Variants in KCNT2 observed in about 807,000 individuals in gnomAD.
KCNT2 encodes potassium sodium-activated channel subfamily T member 2, also known as potassium channel subfamily T member 2.
A neutral mutation model predicts 153.8 loss-of-function variants in KCNT2; 67 were observed. That is an observed-to-expected ratio of 0.44 (90% CI 0.36 to 0.53). The LOEUF is 0.53. Ranked by LOEUF, KCNT2 falls within the 20% of genes least tolerant of loss-of-function variation. The pLI, the probability that KCNT2 is intolerant of heterozygous loss-of-function variation, is 0.00. For synonymous variants in KCNT2, 500 were observed against 458.8 expected (o/e 1.09, Z -1.15); for missense variants, 975 against 1,354.8 (o/e 0.72, Z 4.40).
At chr1:196,375,784 C>T (rs1325233805) in intron 13 of KCNT2, among the ~76,000 whole-genome samples, 3 of 151,500 alleles carry the variant, frequency 2.0e-5, no homozygotes, top group African/African-American at 7.3e-5. Flanking sequence ...AGAAAATAAC[C>T]ATTTTTAGAT....
At chr1:196,328,633 GA>G (rs200329840) in intron 18 of KCNT2, among the ~76,000 whole-genome samples, 3,428 of 118,382 alleles carry the variant, frequency 0.029, 93 homozygotes, top group African/African-American at 0.084. Flanking sequence ...AGTGCTAAAA[GA>G]AAAAAAAAAA....
intron 1 of KCNT2, among the ~76,000 whole-genome samples, chr1:196,566,212 T>C (rs1348063907): frequency 6.6e-6 from 1 of 151,972 alleles, no homozygotes; most frequent in Non-Finnish European, 1.5e-5. Flanking sequence ...GGTCAAATTT[T>C]ATCAGATTCA....
chr1:196,235,096 G>A (rs555572184), intron 27 of KCNT2, among the ~76,000 whole-genome samples: 38 of 151,412 alleles, frequency 2.5e-4, no homozygotes, highest in African/African-American at 7.5e-4. Context: ...ATTTTGTCAC[G>A]TAAGACCTTT....
At chr1:196,467,979 T>C (rs747279831) in intron 6 of KCNT2, among the ~76,000 whole-genome samples, 193 bp from the exon 7 acceptor site, 8 of 152,116 alleles carry the variant, frequency 5.3e-5, no homozygotes, top group Non-Finnish European at 7.4e-5. Context: ...AAATCTTTCT[T>C]AGGGAAATTA....
At chr1:196,369,969 A>T (rs568747667) in intron 14 of KCNT2, among the ~76,000 whole-genome samples, 1 of 152,100 alleles carries the variant, frequency 6.6e-6, no homozygotes, top group East Asian at 1.9e-4. Flanking sequence ...ACATGAAAAA[A>T]TGCTCACCAT....
intron 22 of KCNT2, among the ~76,000 whole-genome samples, 199 bp from the exon 23 acceptor site, chr1:196,285,957 CA>C (rs1196127991): frequency 2.0e-5 from 3 of 151,756 alleles, no homozygotes; most frequent in Non-Finnish European, 4.4e-5. Context: ...TTAAAACACC[CA>C]ATAGTGAAGA....
At chr1:196,312,261 T>C (rs2148006332) in intron 21 of KCNT2, among the ~76,000 whole-genome samples, 1 of 151,750 alleles carries the variant, frequency 6.6e-6, no homozygotes, top group East Asian at 2.0e-4. Flanking sequence ...TTGCTTAGGA[T>C]TCAAGGAGTC....
intron 19 of KCNT2, among the ~76,000 whole-genome samples, chr1:196,324,695 T>A (rs1476967918): frequency 8.5e-5 from 13 of 152,172 alleles, no homozygotes; most frequent in Admixed American, 5.9e-4. Context: ...TTTATGGTCT[T>A]ATTCAGATGA....
At chr1:196,432,655 A>G (rs147269060) in intron 8 of KCNT2, among the ~76,000 whole-genome samples, 3 of 152,194 alleles carry the variant, frequency 2.0e-5, no homozygotes, top group Non-Finnish European at 4.4e-5. Context: ...AAGAATATCT[A>G]TCCCATGCCT....
chr1:196,577,693 G>GATCT (rs1661530370), intron 1 of KCNT2, among the ~76,000 whole-genome samples: 1 of 152,170 alleles, frequency 6.6e-6, no homozygotes, highest in Non-Finnish European at 1.5e-5. Flanking sequence ...GCACTGGTTA[G>GATCT]AGTCCTCACA....
intron 14 of KCNT2, among the ~76,000 whole-genome samples, chr1:196,369,414 T>C (rs996094271): frequency 1.3e-5 from 2 of 152,028 alleles, no homozygotes; most frequent in Non-Finnish European, 2.9e-5. Context: ...CATGCTGGTG[T>C]GCTGCACCCA....
rs751143025 is a variant in KCNT2, at chr1:196,340,447, C to T, written c.1677G>A (p.Glu559=). 6.2e-7 allele frequency: 1 copy of T among 1,612,240 alleles called. No individual in the cohort carries two copies. Among genetic ancestry groups the T allele is most frequent in the South Asian group, 1.1e-5 (1 of 91,012 alleles). Residue 559 remains glutamate, a synonymous_variant, in exon 16 of 28, where the codon GAG becomes GAA. Transcript: ENST00000294725. ...ICFYINITKE[E]NSAFKNQDQQ... ...GGTCTTGGTTTTTAAATGCTGAATT[C>T]TCTTCTTTGGTAATATTAATATAAA...
intron 1 of KCNT2, among the ~76,000 whole-genome samples, chr1:196,574,896 C>G (rs1174187847): frequency 6.6e-6 from 1 of 151,796 alleles, no homozygotes; most frequent in Non-Finnish European, 1.5e-5. Context: ...CTCTGTCTTT[C>G]CCAGATATTT....
Position 196,257,892 on chromosome 1 carries a change from C to A in KCNT2, c.3211+302G>T, listed in dbSNP as rs1656655363. 7 of 977,640 alleles carry A rather than the reference C, an allele frequency of 7.2e-6. No individual in the cohort carries two copies. In the South Asian group the frequency reaches 3.3e-4, roughly 46 times the overall value. The allele number at this position is 977,640 out of a possible 1,614,324, so 60.6% of individuals were successfully genotyped here. On this transcript the variant is annotated intron_variant, in intron 26 of 27. Transcript: ENST00000294725. ...ATTAGAAGGCTACCTGACTTAGGTT[C>A]TTTACTTCTAACATGAAAACACAGG...
intron 22 of KCNT2, among the ~76,000 whole-genome samples, chr1:196,303,089 A>G (rs1661334531): frequency 6.6e-6 from 1 of 151,932 alleles, no homozygotes; most frequent in Non-Finnish European, 1.5e-5. Context: ...AAAACTTGTA[A>G]TTGTAAATCC....
At chr1:196,241,167 C>T (rs541289512) in intron 26 of KCNT2, among the ~76,000 whole-genome samples, 30 of 151,900 alleles carry the variant, frequency 2.0e-4, no homozygotes, top group African/African-American at 6.5e-4. Context: ...GAAATAGGTG[C>T]TATATGAGAA....
chr1:196,512,651 A>G (rs752500283), intron 1 of KCNT2, among the ~76,000 whole-genome samples: 4 of 152,208 alleles, frequency 2.6e-5, no homozygotes, highest in Admixed American at 6.5e-5. Flanking sequence ...TGCAATGAAC[A>G]TGTTCAGTTG....
At chr1:196,241,725 C>G (rs928078261) in intron 26 of KCNT2, among the ~76,000 whole-genome samples, 1 of 152,028 alleles carries the variant, frequency 6.6e-6, no homozygotes, top group Non-Finnish European at 1.5e-5. Flanking sequence ...TACATTTTAA[C>G]TTGCCATGAG....
chr1:196,549,066 A>G (rs1351395851), intron 1 of KCNT2, among the ~76,000 whole-genome samples: 1 of 152,106 alleles, frequency 6.6e-6, no homozygotes, highest in African/African-American at 2.4e-5. Context: ...ATGACGAGTT[A>G]GTGGGTGCAG....
Sources: allele counts gnomAD v4.1 joint callset (sites outside exome capture counted in the v4.1 genomes callset), GRCh38; gene constraint gnomAD v4.1.1; transcripts MANE v1.5; gene names NCBI Gene and HGNC (gene_info 2026-07-23, HGNC 2026-07-21).